Variants in ZFYVE16 observed in about 807,000 individuals in gnomAD.
ZFYVE16 encodes zinc finger FYVE-type containing 16.
In ZFYVE16, 89 loss-of-function variants were observed where a neutral mutation model predicts 138.1. That is an observed-to-expected ratio of 0.64 (90% confidence interval 0.54 to 0.77). ZFYVE16 has a LOEUF of 0.77. Ranked by LOEUF, ZFYVE16 falls within the 30% of genes least tolerant of loss-of-function variation. ZFYVE16 has a pLI of 0.00. For missense variants in ZFYVE16, 1,793 were observed against 1,786.7 expected, an observed-to-expected ratio of 1.00 and a Z score of -0.06; for synonymous variants, 596 against 618.3, an observed-to-expected ratio of 0.96 and a Z score of 0.53.
At chr5:80,426,286 ATATAT>A (rs1561246470) in intron 1 of ZFYVE16, among the ~76,000 whole-genome samples, 2 of 142,080 alleles carry the variant, frequency 1.4e-5, no homozygotes, top group Non-Finnish European at 3.0e-5. Context: ...ATATATATAT[ATATAT>A]ATAATTAAAT....
intron 11 of ZFYVE16, among the ~76,000 whole-genome samples, chr5:80,453,549 T>A (rs562821038): frequency 6.6e-6 from 1 of 152,330 alleles, no homozygotes; most frequent in African/African-American, 2.4e-5. Flanking sequence ...ACTGCAAAGC[T>A]ATGATAAGCT....
chr5:80,439,131 C>A, intron 4 of ZFYVE16, 124 bp downstream of exon 4: 1 of 1,024,956 alleles, frequency 9.8e-7, no homozygotes, highest in Non-Finnish European at 1.4e-6. Context: ...CAGTGTTTTT[C>A]ATCTACCAGT....
At chr5:80,466,383 C>T (rs1294616053) in intron 15 of ZFYVE16, among the ~76,000 whole-genome samples, 2 of 152,122 alleles carry the variant, frequency 1.3e-5, no homozygotes, top group African/African-American at 2.4e-5. Context: ...TTGAGCTCCA[C>T]TAGTGAAGTT....
At chr5:80,472,246 T>A (rs2112548112) in intron 15 of ZFYVE16, among the ~76,000 whole-genome samples, 1 of 151,834 alleles carries the variant, frequency 6.6e-6, no homozygotes, top group East Asian at 2.0e-4. Context: ...TCTCAGCCAA[T>A]AGGGCCATTG....
chr5:80,477,305 T>C lies in ZFYVE16; in HGVS notation c.4548T>C (p.His1516=). The part of the protein sequence containing the change: ...DLDSALIPVI[H]GGTSNSSLPL... ...ATAGTGCTCTGATACCTGTGATCCATGGTGGGACCTCCAACTCTAGTTTAC... is the reference window on the plus strand; with the variant it reads ...ATAGTGCTCTGATACCTGTGATCCACGGTGGGACCTCCAACTCTAGTTTAC... The change falls in exon 19 of 19, where the codon CAT becomes CAC. Residue 1516 remains histidine (H), a synonymous_variant. Transcript: ENST00000505560. The C allele has an allele frequency of 1.9e-6, 3 of 1,610,332 alleles. No individual in the cohort carries two copies. The highest frequency in any genetic ancestry group is 2.5e-6 in the Non-Finnish European group (3 of 1,178,786).
Position 80,437,559 on chromosome 5 carries a change from T to G in ZFYVE16, c.874T>G (p.Cys292Gly). ...VDVAVITAAE[C>G]LKEEGKTSAL... ...TGTGGCAGTCATAACTGCCGCAGAA[T>G]GTTTAAAAGAAGAGGGCAAGACAAG... The change falls in exon 4 of 19, where the codon TGT (cysteine) becomes GGT (glycine). Residue 292 changes from cysteine to glycine, a missense_variant. Physicochemically the swap from Cys to Gly is radical, Grantham distance 159. This residue lies in a region of ZFYVE16 where 1,295 missense variants were observed against 1,204.3 expected (regional missense o/e 1.08). Coordinates refer to ENST00000505560, the MANE Select transcript of ZFYVE16 (RefSeq NM_001284236.3). 1 of 1,614,096 alleles carries G rather than the reference T, an allele frequency of 6.2e-7. No individual in the cohort carries two copies. The highest frequency in any genetic ancestry group is 8.5e-7 in the Non-Finnish European group (1 of 1,179,998).
intron 2 of ZFYVE16, among the ~76,000 whole-genome samples, chr5:80,432,716 CA>C (rs1201258523): frequency 3.3e-5 from 5 of 151,992 alleles, no homozygotes; most frequent in African/African-American, 7.2e-5. Flanking sequence ...CCAGAATCTA[CA>C]AAAAAACTCA....
At chr5:80,470,799 C>T (rs1457307508) in intron 15 of ZFYVE16, among the ~76,000 whole-genome samples, 1 of 152,164 alleles carries the variant, frequency 6.6e-6, no homozygotes, top group African/African-American at 2.4e-5. Context: ...TTGTGAGCCA[C>T]CACACCTGGC....
intron 1 of ZFYVE16, among the ~76,000 whole-genome samples, chr5:80,408,830 T>C (rs563127839): frequency 5.9e-5 from 9 of 152,370 alleles, no homozygotes; most frequent in African/African-American, 2.2e-4. Context: ...GTCCATACAT[T>C]TGATATTAAG....
intron 15 of ZFYVE16, among the ~76,000 whole-genome samples, chr5:80,463,151 G>A (rs962752566): frequency 3.3e-5 from 5 of 152,204 alleles, no homozygotes; most frequent in Non-Finnish European, 7.3e-5. Flanking sequence ...GCCCCAGTGG[G>A]GACTCTTTGT....
chr5:80,440,295 G>A (rs1218020482), intron 5 of ZFYVE16: 5 of 1,091,562 alleles, frequency 4.6e-6, no homozygotes, highest in Non-Finnish European at 5.6e-6. Context: ...CCTAAATGCT[G>A]CATTTCATCT....
Position 80,474,775 on chromosome 5 carries a change from T to C in ZFYVE16, c.4406T>C (p.Leu1469Pro). The change falls in exon 18 of 19, where the codon CTA becomes CCA. Residue 1469 changes from leucine to proline, a missense_variant. Physicochemically the swap from Leu to Pro is moderately conservative, Grantham distance 98. Coordinates refer to ENST00000505560, the MANE Select transcript of ZFYVE16 (RefSeq NM_001284236.3). The stretch of plus-strand genomic sequence containing the variant: ...GCGCTGTGCCCTCACCTGAAAACTC[T>C]AAAAAGTAATGGGATGAATAAAATT... ...SAALCPHLKT[L>P]KSNGMNKIGL... is the part of the protein sequence containing the mutation. 1 of 1,613,778 alleles carries C rather than the reference T, an allele frequency of 6.2e-7. No individual in the cohort carries two copies. Among genetic ancestry groups the C allele is most frequent in the Non-Finnish European group, 8.5e-7 (1 of 1,179,812 alleles).
intron 1 of ZFYVE16, among the ~76,000 whole-genome samples, chr5:80,426,293 T>TAA (rs1554039391): frequency 1.1e-5 from 1 of 88,686 alleles, no homozygotes; most frequent in African/African-American, 3.3e-5. Flanking sequence ...TATATATATA[T>TAA]AATTAAATTT....
intron 15 of ZFYVE16, among the ~76,000 whole-genome samples, chr5:80,465,375 G>C (rs139393776): frequency 3.0e-5 from 2 of 66,728 alleles, no homozygotes; most frequent in Admixed American, 1.7e-4. Context: ...TGGCCTCCAT[G>C]GTTTCTTTTT....
At chr5:80,411,134 AT>A (rs58086060) in intron 1 of ZFYVE16, among the ~76,000 whole-genome samples, 1,223 of 95,226 alleles carry the variant, frequency 0.013, 17 homozygotes, top group African/African-American at 0.045. Flanking sequence ...CGCCCAGCTA[AT>A]TTTTTTTTTT....
chr5:80,412,929 C>G (rs192884768), intron 1 of ZFYVE16, among the ~76,000 whole-genome samples: 3 of 152,130 alleles, frequency 2.0e-5, no homozygotes, highest in Non-Finnish European at 1.5e-5. Context: ...AATCCCAGCA[C>G]TTTGGGAGGC....
chr5:80,462,161 A>C (rs759940304), intron 15 of ZFYVE16, among the ~76,000 whole-genome samples: 22 of 152,224 alleles, frequency 1.4e-4, no homozygotes, highest in Admixed American at 3.3e-4. Flanking sequence ...AATTATTTTT[A>C]AATCAATTAT....
chr5:80,432,658 A>G (rs564090787), intron 2 of ZFYVE16, among the ~76,000 whole-genome samples: 2 of 152,194 alleles, frequency 1.3e-5, no homozygotes, highest in Non-Finnish European at 2.9e-5. Flanking sequence ...CAACCTACAG[A>G]ATGGGAGAAA....
At chr5:80,423,305 G>T (rs1747513807) in intron 1 of ZFYVE16, among the ~76,000 whole-genome samples, 1 of 151,988 alleles carries the variant, frequency 6.6e-6, no homozygotes, top group African/African-American at 2.4e-5. Context: ...CCAAATTTGT[G>T]GGCAGAGTTG....
Sources: allele counts gnomAD v4.1 joint callset (sites outside exome capture counted in the v4.1 genomes callset), GRCh38; gene constraint gnomAD v4.1.1; regional missense constraint gnomAD v4.1.1; transcripts MANE v1.5; gene names NCBI Gene and HGNC (gene_info 2026-07-23, HGNC 2026-07-21).